The following PDE4D variants were observed in gnomAD, a reference collection of about 807,000 sequenced individuals.
The protein encoded by PDE4D is phosphodiesterase 4D, also known as 3',5'-cyclic-AMP phosphodiesterase 4D.
Under a neutral mutation model 87.4 loss-of-function variants are expected in PDE4D, and 24 were observed. The observed-to-expected ratio is 0.27, with a 90% CI of 0.20 to 0.39. PDE4D has a LOEUF of 0.39. PDE4D is among the 10% of genes least tolerant of loss of function. The pLI, the probability that PDE4D is intolerant of heterozygous loss-of-function variation, is 1.00. For missense variants in PDE4D, 714 were observed against 1,041.0 expected, an observed-to-expected ratio of 0.69 and a Z score of 4.32; for synonymous variants, 384 against 383.2, an observed-to-expected ratio of 1.00 and a Z score of -0.02.
chr5:59,750,084 C>T (rs113154265), intron 1 of PDE4D, among the ~76,000 whole-genome samples: 4,003 of 131,398 alleles, frequency 0.03, 206 homozygotes, highest in African/African-American at 0.11. Context: ...GAATTATGAC[C>T]TTTTTTTTTT....
intron 1 of PDE4D, among the ~76,000 whole-genome samples, chr5:59,318,866 T>C (rs975681349): frequency 1.3e-5 from 2 of 152,108 alleles, no homozygotes; most frequent in African/African-American, 4.8e-5. Context: ...GTTCAATTTA[T>C]ACACAGGTGA....
At chr5:59,425,186 G>T (rs1027121881) in intron 1 of PDE4D, among the ~76,000 whole-genome samples, 2 of 152,022 alleles carry the variant, frequency 1.3e-5, no homozygotes, top group Non-Finnish European at 2.9e-5. Context: ...TTTTAACCAG[G>T]CAAGAAAGTG....
intron 1 of PDE4D, among the ~76,000 whole-genome samples, chr5:59,411,750 C>T (rs181469211): frequency 3.9e-5 from 6 of 152,244 alleles, no homozygotes; most frequent in Non-Finnish European, 5.9e-5. Context: ...TTCTGAGGTA[C>T]CAGGGGTTAG....
intron 1 of PDE4D, among the ~76,000 whole-genome samples, chr5:59,456,546 T>C (rs1164336272): frequency 1.3e-5 from 2 of 152,296 alleles, no homozygotes; most frequent in African/African-American, 2.4e-5. Flanking sequence ...TTCATGTTGT[T>C]TTTATGCTTA....
intron 1 of PDE4D, among the ~76,000 whole-genome samples, chr5:59,698,432 T>G (rs1752106892): frequency 6.6e-6 from 1 of 151,848 alleles, no homozygotes. Flanking sequence ...CATGAGCGCT[T>G]TAAAACTATT....
At chr5:59,625,073 T>C (rs924434933) in intron 1 of PDE4D, among the ~76,000 whole-genome samples, 4 of 152,210 alleles carry the variant, frequency 2.6e-5, no homozygotes, top group African/African-American at 9.6e-5. Flanking sequence ...CAATTAAGGT[T>C]ACTAATCAGC....
chr5:59,061,513 A>G (rs1763104424), intron 5 of PDE4D, among the ~76,000 whole-genome samples: 1 of 152,126 alleles, frequency 6.6e-6, no homozygotes, highest in Non-Finnish European at 1.5e-5. Context: ...CTCTATGTGT[A>G]CATTGTCAGT....
chr5:59,648,710 C>T (rs546446836), intron 1 of PDE4D, among the ~76,000 whole-genome samples: 1 of 120,360 alleles, frequency 8.3e-6, no homozygotes, highest in South Asian at 3.8e-4. Flanking sequence ...GTAATTTAGG[C>T]ATCTAACCTC....
At chr5:59,244,300 A>G (rs1428028767) in intron 1 of PDE4D, among the ~76,000 whole-genome samples, 3 of 151,986 alleles carry the variant, frequency 2.0e-5, no homozygotes. Context: ...CAGGAGGCTG[A>G]GGTACAAGAA....
At chr5:59,930,449 C>T (rs1160009836) in intron 3 of PDE4D, among the ~76,000 whole-genome samples, 1 of 152,074 alleles carries the variant, frequency 6.6e-6, no homozygotes, top group Non-Finnish European at 1.5e-5. Flanking sequence ...TTAAGGAATG[C>T]CTGGAATCAA....
chr5:59,340,145 C>G (rs1004003756), intron 1 of PDE4D, among the ~76,000 whole-genome samples: 1 of 152,032 alleles, frequency 6.6e-6, no homozygotes, highest in East Asian at 1.9e-4. Context: ...TCCCTAGAAA[C>G]AAGCACAGAG....
chr5:60,095,979 G>T (rs1357004289), intron 2 of PDE4D, among the ~76,000 whole-genome samples: 1 of 151,938 alleles, frequency 6.6e-6, no homozygotes, highest in African/African-American at 2.4e-5. Flanking sequence ...GTTCTTTATA[G>T]ATTCTGGATA....
At chr5:59,234,088 G>A (rs1450827119) in intron 1 of PDE4D, among the ~76,000 whole-genome samples, 4 of 152,074 alleles carry the variant, frequency 2.6e-5, no homozygotes, top group African/African-American at 9.7e-5. Flanking sequence ...AATGTTCATT[G>A]CTGACTTTCT....
intron 1 of PDE4D, among the ~76,000 whole-genome samples, chr5:59,347,753 A>T (rs1562005660): frequency 6.6e-6 from 1 of 151,640 alleles, no homozygotes; most frequent in Non-Finnish European, 1.5e-5. Flanking sequence ...TATTTTTATA[A>T]TAACAAAGAA....
intron 1 of PDE4D, among the ~76,000 whole-genome samples, chr5:59,441,809 G>A (rs1406085949): frequency 1.3e-5 from 2 of 152,106 alleles, no homozygotes; most frequent in Admixed American, 1.3e-4. Flanking sequence ...AATAACTATT[G>A]ACTCTGACTT....
chr5:60,098,196 T>C (rs1414747573), intron 2 of PDE4D, among the ~76,000 whole-genome samples: 6 of 151,862 alleles, frequency 4.0e-5, no homozygotes. Context: ...TACAGAAATA[T>C]GGTTAAATAG....
chr5:60,048,346 G>A (rs1769588666), intron 2 of PDE4D, among the ~76,000 whole-genome samples: 1 of 152,086 alleles, frequency 6.6e-6, no homozygotes. Flanking sequence ...CTTTTAATTG[G>A]AGCATTTAGT....
chr5:60,046,865 G>A (rs1331810788), intron 2 of PDE4D, among the ~76,000 whole-genome samples: 1 of 152,084 alleles, frequency 6.6e-6, no homozygotes, highest in East Asian at 1.9e-4. Flanking sequence ...TTGGTATCAG[G>A]ATGATGCTGG....
intron 1 of PDE4D, among the ~76,000 whole-genome samples, chr5:59,389,429 C>T (rs940716509): frequency 6.6e-5 from 10 of 151,630 alleles, no homozygotes; most frequent in African/African-American, 2.4e-4. Context: ...ACAGACAGAG[C>T]CTCTTTAAAA....
Sources: allele counts gnomAD v4.1 joint callset (sites outside exome capture counted in the v4.1 genomes callset), GRCh38; gene constraint gnomAD v4.1.1; transcripts MANE v1.5; gene names NCBI Gene and HGNC (gene_info 2026-07-23, HGNC 2026-07-21).